The following NEURL1B variants were observed in gnomAD, a reference collection of about 807,000 sequenced individuals.
The protein encoded by NEURL1B is neuralized E3 ubiquitin protein ligase 1B.
Under a neutral mutation model 37.4 loss-of-function variants are expected in NEURL1B, and 13 were observed. The observed-to-expected ratio is 0.35, with a 90% CI of 0.23 to 0.55. The LOEUF (loss-of-function observed/expected upper bound fraction) is 0.55, where lower values mean the gene tolerates loss of function less well. Among genes scored for constraint, NEURL1B ranks in the 20% least tolerant of loss-of-function variants. The probability of loss-of-function intolerance (pLI) is 0.89; values close to 1 mark genes in which losing one functional copy is unlikely to be tolerated. For synonymous variants in NEURL1B, 432 were observed against 426.6 expected, an observed-to-expected ratio of 1.01 and a Z score of -0.16; for missense variants, 790 against 879.2, an observed-to-expected ratio of 0.90 and a Z score of 1.28.
rs1757996407 is a variant in NEURL1B at position 172,665,688 on chromosome 5, CCCTCCCCCCAAATTCCAG to C, written c.32-4088_32-4071del. ...CTGCCACACCTACCGTATCACTTTA[CCCTCCCCCCAAATTCCAG>C]CCTCCCCCTGCCTCTGCCCCTACCG... is the stretch of plus-strand genomic sequence containing the variant. On this transcript the variant is annotated intron_variant, in intron 1 of 4. Coordinates refer to ENST00000369800, the MANE Select transcript of NEURL1B (RefSeq NM_001142651.3). This position sits in a 1 kb window ranked among gnomAD's most constrained non-coding sequence, Gnocchi z 4.1. Among the ~76,000 whole-genome samples the C allele has an allele frequency of 6.6e-6, 1 of 151,820 alleles. No individual in the cohort carries two copies. Among genetic ancestry groups the C allele is most frequent in the South Asian group, 2.1e-4 (1 of 4,802 alleles).
chr5:172,681,168 A>G (rs1173825519), intron 2 of NEURL1B, among the ~76,000 whole-genome samples: 1 of 152,194 alleles, frequency 6.6e-6, no homozygotes, highest in Non-Finnish European at 1.5e-5. Context: ...CACTCCTATG[A>G]TCCAATCACC....
intron 1 of NEURL1B, among the ~76,000 whole-genome samples, chr5:172,643,820 G>A (rs908517985): frequency 6.6e-6 from 1 of 152,238 alleles, no homozygotes. Flanking sequence ...CATTTGCTGA[G>A]CACCTGGATT....
chr5:172,683,362 G>A lies in NEURL1B; in HGVS notation c.578-57G>A, dbSNP rs927453217. 8.9e-5 allele frequency: 112 copies of A among 1,264,956 alleles called. 3 individuals are homozygous for A. In the East Asian group the frequency reaches 3.4e-3, roughly 39 times the overall value. 78.4% of individuals were successfully genotyped at this position (1,264,956 alleles called of 1,614,324 possible). ...GGAGGCAGCGGGCGAGGAGGGGCTC[G>A]CGACCAGCCTGACGCGCGGCCTCTC... On this transcript the variant is annotated intron_variant, in intron 2 of 4. Coordinates refer to ENST00000369800, the MANE Select transcript of NEURL1B (RefSeq NM_001142651.3). This position sits in a 1 kb window ranked among gnomAD's most constrained non-coding sequence, Gnocchi z 5.6.
At chr5:172,668,645 TCTC>T (rs1296097316) in intron 1 of NEURL1B, among the ~76,000 whole-genome samples, 1 of 152,184 alleles carries the variant, frequency 6.6e-6, no homozygotes, top group Non-Finnish European at 1.5e-5. Context: ...TCGCCATTCT[TCTC>T]ATTGTGTGCC....
chr5:172,686,352 C>G lies in NEURL1B; in HGVS notation c.1423+56C>G. ...GGGCTGGCGGCTGGCCTGGCTCCTCCGGCTGTGCCAGTGGCCTTCCAGGGA... is the reference window on the plus strand; with the variant it reads ...GGGCTGGCGGCTGGCCTGGCTCCTCGGGCTGTGCCAGTGGCCTTCCAGGGA... On this transcript the variant is annotated intron_variant, in intron 4 of 4. Transcript: ENST00000369800. The surrounding 1 kb of genome is among the most constrained non-coding windows in gnomAD (Gnocchi z 7.9). 1.3e-6 allele frequency: 2 copies of G among 1,531,986 alleles called. No homozygotes were observed. Among genetic ancestry groups the G allele is most frequent in the Non-Finnish European group, 1.8e-6 (2 of 1,132,900 alleles). The allele number at this position is 1,531,986 out of a possible 1,614,324, so 94.9% of individuals were successfully genotyped here.
chr5:172,663,568 C>A (rs1444689108), intron 1 of NEURL1B, among the ~76,000 whole-genome samples: 1 of 151,112 alleles, frequency 6.6e-6, no homozygotes, highest in African/African-American at 2.4e-5. Flanking sequence ...CCAGGGCTGT[C>A]CCTTCTCCCT....
At chr5:172,674,571 A>C (rs996375826) in intron 2 of NEURL1B, among the ~76,000 whole-genome samples, 3 of 152,252 alleles carry the variant, frequency 2.0e-5, no homozygotes, top group Non-Finnish European at 2.9e-5. Context: ...CCCAGGCTGC[A>C]CCCAGACCAA....
intron 1 of NEURL1B, among the ~76,000 whole-genome samples, chr5:172,663,829 T>TTTTTTATTATTATTATTA (rs138220033): frequency 0.044 from 6,262 of 140,780 alleles, 206 homozygotes; most frequent in African/African-American, 0.078. Context: ...GTTTTATTTG[T>TTTTTTATTATTATTATTA]TTATTATTAT....
chr5:172,679,571 TTG>T (rs1758305365), intron 2 of NEURL1B, among the ~76,000 whole-genome samples: 1 of 152,252 alleles, frequency 6.6e-6, no homozygotes, highest in African/African-American at 2.4e-5. Context: ...CTGTGCTGTC[TTG>T]GGCCTGTCTC....
In NEURL1B at chr5:172,681,324, AATTACT is replaced by A. The variant is rs1453908790; in HGVS notation, c.578-2090_578-2085del. Among the ~76,000 whole-genome samples, 5 of 152,238 alleles carry A rather than the reference AATTACT, an allele frequency of 3.3e-5. No individual in the cohort carries two copies. In the South Asian group the frequency reaches 6.2e-4, roughly 19 times the overall value. ...CCTTCATGATCTCACCCCAAGAGAT[AATTACT>A]ATTAATATTTTGTCTCTCCATCACT... is the stretch of plus-strand genomic sequence containing the variant. On this transcript the variant is annotated intron_variant, in intron 2 of 4. Coordinates refer to ENST00000369800, the MANE Select transcript of NEURL1B (RefSeq NM_001142651.3).
rs1257968092 is a variant in NEURL1B, at chr5:172,665,890, CTG to C, written c.32-3889_32-3888del. On this transcript the variant is annotated intron_variant, in intron 1 of 4. Transcript: ENST00000369800. This position sits in a 1 kb window ranked among gnomAD's most constrained non-coding sequence, Gnocchi z 4.1. ...ACGCCTGTTGTCGTTGGGCATTCAGCTGTGTGTCTGCTTGACCTGGAGAGACT... is the reference window on the plus strand; with the variant it reads ...ACGCCTGTTGTCGTTGGGCATTCAGCTGTGTCTGCTTGACCTGGAGAGACT... Among the ~76,000 whole-genome samples, 1 of 152,174 alleles carries C rather than the reference CTG, an allele frequency of 6.6e-6. No individual in the cohort carries two copies. Among genetic ancestry groups the C allele is most frequent in the Non-Finnish European group, 1.5e-5 (1 of 68,044 alleles).
At chr5:172,672,906 T>C (rs1758158689) in intron 2 of NEURL1B, among the ~76,000 whole-genome samples, 1 of 152,172 alleles carries the variant, frequency 6.6e-6, no homozygotes, top group East Asian at 1.9e-4. Flanking sequence ...AAAAAATACA[T>C]ATATGGAAAG....
chr5:172,649,725 A>T (rs764173913), intron 1 of NEURL1B, among the ~76,000 whole-genome samples: 29 of 152,062 alleles, frequency 1.9e-4, no homozygotes, highest in Admixed American at 6.5e-4. Flanking sequence ...GTTTAGCCCC[A>T]CTTTATAGAT....
chr5:172,649,345 CTTTTTTTTTTTTTTTTTTTTT>C (rs70984904), intron 1 of NEURL1B, among the ~76,000 whole-genome samples: 4 of 65,162 alleles, frequency 6.1e-5, no homozygotes, highest in East Asian at 5.8e-4. Flanking sequence ...CCCTTCACTT[CTTTTTTTTTTTTTTTTTTTTT>C]TTTTTTTTTT....
chr5:172,672,552 T>G (rs1369715516), intron 2 of NEURL1B, among the ~76,000 whole-genome samples: 1 of 90,898 alleles, frequency 1.1e-5, no homozygotes, highest in East Asian at 3.8e-4. Flanking sequence ...CCCCCCCCAC[T>G]CTATTTCCTT....
At chr5:172,678,624 G>T (rs1200741166) in intron 2 of NEURL1B, among the ~76,000 whole-genome samples, 2 of 151,350 alleles carry the variant, frequency 1.3e-5, no homozygotes, top group Admixed American at 1.3e-4. Flanking sequence ...TTGGCAGTAA[G>T]TGACACCACC....
intron 2 of NEURL1B, among the ~76,000 whole-genome samples, chr5:172,679,784 C>T (rs923380178): frequency 5.3e-5 from 8 of 152,190 alleles, no homozygotes; most frequent in South Asian, 2.1e-4. Flanking sequence ...AGAACCTGCC[C>T]GGCCACAGAT....
At chr5:172,669,325 A>T (rs1303821225) in intron 1 of NEURL1B, among the ~76,000 whole-genome samples, 2 of 152,152 alleles carry the variant, frequency 1.3e-5, no homozygotes, top group Non-Finnish European at 2.9e-5. Flanking sequence ...TATTTGGATG[A>T]TTTGCACAGA....
At chr5:172,663,535 A>G (rs1338377223) in intron 1 of NEURL1B, among the ~76,000 whole-genome samples, 1 of 151,070 alleles carries the variant, frequency 6.6e-6, no homozygotes, top group Non-Finnish European at 1.5e-5. Context: ...AAAAAAAAAA[A>G]AAAAAAAGCC....
Sources: allele counts gnomAD v4.1 joint callset (sites outside exome capture counted in the v4.1 genomes callset), GRCh38; gene constraint gnomAD v4.1.1; non-coding constraint Gnocchi (gnomAD v3.1); transcripts MANE v1.5; gene names NCBI Gene and HGNC (gene_info 2026-07-23, HGNC 2026-07-21).